The following LRFN2 variants were observed in gnomAD, a reference collection of about 807,000 sequenced individuals.
LRFN2 encodes the protein leucine-rich repeat and fibronectin type-III domain-containing protein 2.
LRFN2 carries 18 observed loss-of-function variants against 37.3 expected under a neutral mutation model. The ratio of observed to expected loss-of-function variants is 0.48; its 90% CI spans 0.33 to 0.72. The LOEUF (loss-of-function observed/expected upper bound fraction) is 0.72, where lower values mean the gene tolerates loss of function less well. LRFN2 is among the 30% of genes least tolerant of loss of function. The pLI is 0.02. For synonymous variants in LRFN2, 556 were observed against 466.6 expected (o/e 1.19, Z -2.47); for missense variants, 1,006 against 1,060.7 (o/e 0.95, Z 0.72).
At chr6:40,542,282 CTG>C (rs556603913) in intron 1 of LRFN2, among the ~76,000 whole-genome samples, 2 of 152,174 alleles carry the variant, frequency 1.3e-5, no homozygotes, top group South Asian at 2.1e-4. Flanking sequence ...GGGATGCAGG[CTG>C]TGAGTTTTCC....
chr6:40,435,298 G>A (rs141238617), intron 1 of LRFN2, among the ~76,000 whole-genome samples: 1,813 of 150,520 alleles, frequency 0.012, 24 homozygotes, highest in Middle Eastern at 0.025. Flanking sequence ...GTAACTACAG[G>A]CACTTGCCAT....
intron 2 of LRFN2, among the ~76,000 whole-genome samples, chr6:40,420,249 G>C (rs1358540729): frequency 6.6e-6 from 1 of 152,212 alleles, no homozygotes; most frequent in Non-Finnish European, 1.5e-5. Context: ...CTGTGGTTTT[G>C]TGCCATTCTT....
At chr6:40,474,039 G>T (rs996413735) in intron 1 of LRFN2, among the ~76,000 whole-genome samples, 1 of 152,136 alleles carries the variant, frequency 6.6e-6, no homozygotes, top group Non-Finnish European at 1.5e-5. Flanking sequence ...AATGGTCTTA[G>T]GGTCGTTGTT....
intron 2 of LRFN2, 140 bp downstream of exon 2, chr6:40,431,574 A>G: frequency 1.6e-6 from 1 of 611,868 alleles, no homozygotes; most frequent in East Asian, 3.0e-5. Flanking sequence ...ACCTGCACGA[A>G]TGGCACAGTT....
chr6:40,468,269 C>T (rs1020147158), intron 1 of LRFN2, among the ~76,000 whole-genome samples: 14 of 152,196 alleles, frequency 9.2e-5, no homozygotes, highest in African/African-American at 3.1e-4. Flanking sequence ...TGGGAGGTCC[C>T]GGTAATGCTC....
rs1306809174 is a variant in LRFN2, at chr6:40,504,711, GA to G, written c.-18-71581del. Among the ~76,000 whole-genome samples the G allele has an allele frequency of 2.0e-5, 3 of 152,302 alleles. No homozygotes were observed. In the East Asian group the frequency reaches 5.8e-4, roughly 29 times the overall value. On this transcript the variant is annotated intron_variant, in intron 1 of 2. Coordinates refer to ENST00000338305, the MANE Select transcript of LRFN2 (RefSeq NM_020737.3). ...AATCACCTGCTCTCACCAAGACCAA[GA>G]AACAGGTGTGGAGTGAGTCACGGCC... is the stretch of plus-strand genomic sequence containing the variant.
intron 1 of LRFN2, among the ~76,000 whole-genome samples, chr6:40,482,549 A>G (rs1764857059): frequency 6.6e-6 from 1 of 152,212 alleles, no homozygotes; most frequent in African/African-American, 2.4e-5. Flanking sequence ...AAAGACAGCA[A>G]ATAAAACCTC....
intron 1 of LRFN2, among the ~76,000 whole-genome samples, chr6:40,433,444 TCCCAATTACCTAG>T (rs1007238517): frequency 6.6e-6 from 1 of 152,226 alleles, no homozygotes; most frequent in African/African-American, 2.4e-5. Flanking sequence ...AATTGCTGTA[TCCCAATTACCTAG>T]CTCAATGCCT....
intron 2 of LRFN2, among the ~76,000 whole-genome samples, chr6:40,413,905 T>C (rs1763033712): frequency 1.3e-5 from 2 of 152,134 alleles, no homozygotes; most frequent in East Asian, 1.9e-4. Context: ...TGAGTGCCAG[T>C]AGGCTGATGG....
chr6:40,394,163 C>T (rs1762569292), intron 2 of LRFN2, among the ~76,000 whole-genome samples: 2 of 152,124 alleles, frequency 1.3e-5, no homozygotes, highest in Admixed American at 1.3e-4. Context: ...TGGTCCTCTC[C>T]TGCCTGGAAC....
chr6:40,530,085 G>C (rs1275342141), intron 1 of LRFN2, among the ~76,000 whole-genome samples: 2 of 152,196 alleles, frequency 1.3e-5, no homozygotes, highest in African/African-American at 4.8e-5. Context: ...CCCAGAGAGA[G>C]TCGTCGCAGA....
chr6:40,481,965 A>C (rs1764840961), intron 1 of LRFN2, among the ~76,000 whole-genome samples: 1 of 152,196 alleles, frequency 6.6e-6, no homozygotes, highest in African/African-American at 2.4e-5. Flanking sequence ...GCAACACAGT[A>C]AGCTGGATCT....
intron 2 of LRFN2, among the ~76,000 whole-genome samples, chr6:40,417,061 C>T (rs959169514): frequency 1.3e-5 from 2 of 152,164 alleles, no homozygotes; most frequent in Non-Finnish European, 2.9e-5. Context: ...CAGCCCCCGG[C>T]CCCTGAGGGA....
chr6:40,432,274 A>G lies in LRFN2; in HGVS notation c.840T>C (p.Arg280=). 2.5e-6 allele frequency: 4 copies of G among 1,614,002 alleles called. No individual in the cohort carries two copies. The highest frequency in any genetic ancestry group is 3.4e-6 in the Non-Finnish European group (4 of 1,180,024). Residue 280 remains arginine, a synonymous_variant, in exon 2 of 3, where the codon CGT becomes CGC. Coordinates refer to ENST00000338305, the MANE Select transcript of LRFN2 (RefSeq NM_020737.3). ...GLKGRYFWHV[R]EEEFVCEPPL... ...GCGGCTCGCACACAAACTCCTCCTC[A>G]CGCACATGCCAGAAGTAGCGACCCT...
intron 1 of LRFN2, among the ~76,000 whole-genome samples, chr6:40,519,669 T>C (rs1765993677): frequency 1.3e-5 from 2 of 152,256 alleles, no homozygotes; most frequent in African/African-American, 4.8e-5. Flanking sequence ...TCAGCATTGC[T>C]GCTTTCAGCC....
At chr6:40,398,914 AT>A (rs1463915835) in intron 2 of LRFN2, among the ~76,000 whole-genome samples, 2 of 151,864 alleles carry the variant, frequency 1.3e-5, no homozygotes, top group African/African-American at 4.8e-5. Flanking sequence ...ACATACTGTT[AT>A]TCTACTGTGG....
At chr6:40,440,725 A>C (rs781167597) in intron 1 of LRFN2, among the ~76,000 whole-genome samples, 7 of 152,128 alleles carry the variant, frequency 4.6e-5, no homozygotes, top group Non-Finnish European at 1.0e-4. Flanking sequence ...GGATAACTCC[A>C]AGGTACATTT....
Position 40,431,722 on chromosome 6 carries a change from C to A in LRFN2, c.1392G>T (p.Leu464=). Residue 464 remains leucine (L), a synonymous_variant, in exon 2 of 3, where the codon CTG becomes CTT. Transcript: ENST00000338305. ...LQYNCSDDEV[L]IYRMIPASNK... ...CACAGCCGCTTGCTCACCTGTAAAT[C>A]AGTACCTCATCGTCAGAGCAGTTGT... 2.0e-6 allele frequency: 3 copies of A among 1,513,340 alleles called. No individual in the cohort carries two copies. Among genetic ancestry groups the A allele is most frequent in the Non-Finnish European group, 2.7e-6 (3 of 1,131,054 alleles). 93.7% of individuals were successfully genotyped at this position (1,513,340 alleles called of 1,614,324 possible).
intron 1 of LRFN2, among the ~76,000 whole-genome samples, chr6:40,470,143 G>A (rs1027030590): frequency 2.6e-5 from 4 of 152,204 alleles, no homozygotes; most frequent in African/African-American, 4.8e-5. Context: ...CATCCTGCCT[G>A]CAGAACCCCA....
Sources: gnomAD v4.1 joint callset for allele counts (sites outside exome capture counted in the v4.1 genomes callset) on GRCh38, gnomAD v4.1.1 for gene constraint, MANE v1.5 for transcripts, NCBI Gene and HGNC (gene_info 2026-07-23, HGNC 2026-07-21) for gene names.